Variants in TGFB3 observed in about 807,000 individuals in gnomAD.
TGFB3 encodes transforming growth factor beta-3 proprotein.
TGFB3 carries 5 observed loss-of-function variants against 40.1 expected under a neutral mutation model. The observed-to-expected ratio is 0.12, with a 90% CI of 0.07 to 0.26. The LOEUF (loss-of-function observed/expected upper bound fraction) is 0.26, where lower values mean the gene tolerates loss of function less well. TGFB3 is among the 10% of genes least tolerant of loss of function. The probability of loss-of-function intolerance (pLI) is 1.00; values close to 1 mark genes in which losing one functional copy is unlikely to be tolerated. For missense variants in TGFB3, 373 were observed against 530.1 expected (o/e 0.70, Z 2.91); for synonymous variants, 184 against 205.6 (o/e 0.89, Z 0.90).
chr14:75,981,367 T>A lies in TGFB3; in HGVS notation c.-474A>T. 1 of 161,238 alleles carries A rather than the reference T, an allele frequency of 6.2e-6. No individual in the cohort carries two copies. The highest frequency in any genetic ancestry group is 5.9e-5 in the Admixed American group (1 of 16,882). 10.0% of individuals were successfully genotyped at this position (161,238 alleles called of 1,614,324 possible). ...CCATGGCTGGGTCCCAAAATCAAAA[T>A]CCTTGCCTTGCCTTGAAAGAAAATA... On this transcript the variant is annotated 5_prime_UTR_variant, in exon 1 of 7. Coordinates refer to ENST00000238682, the MANE Select transcript of TGFB3 (RefSeq NM_003239.5). This position sits in a 1 kb window ranked among gnomAD's most constrained non-coding sequence, Gnocchi z 4.7.
chr14:75,979,605 C>T lies in TGFB3; in HGVS notation c.352+937G>A, dbSNP rs990257774. Among the ~76,000 whole-genome samples the T allele has an allele frequency of 2.0e-5, 3 of 152,152 alleles. No homozygotes were observed. The highest frequency in any genetic ancestry group is 7.2e-5 in the African/African-American group (3 of 41,420). ...TCAGTAAACACATATGACTTCCACA[C>T]GTGTACCAACACACACAGACATCTC... On this transcript the variant is annotated intron_variant, in intron 1 of 6. Coordinates refer to ENST00000238682, the MANE Select transcript of TGFB3 (RefSeq NM_003239.5). The surrounding 1 kb of genome is among the most constrained non-coding windows in gnomAD (Gnocchi z 4.8).
rs747478449 is a variant in TGFB3 at position 75,963,302 on chromosome 14, G to A, written c.926+14C>T. 2 of 1,613,872 alleles carry A rather than the reference G, an allele frequency of 1.2e-6. No individual in the cohort carries two copies. The highest frequency in any genetic ancestry group is 1.3e-5 in the African/African-American group (1 of 74,922). ...AGGCAGTAGATGTTGGTTCCCATGT[G>A]GGCCCAGTCTCACCGGAAGCAGTAA... is the stretch of plus-strand genomic sequence containing the variant. On this transcript the variant is annotated intron_variant, in intron 5 of 6. Transcript: ENST00000238682.
chr14:75,975,615 C>G (rs1232341328), intron 1 of TGFB3, among the ~76,000 whole-genome samples: 1 of 152,186 alleles, frequency 6.6e-6, no homozygotes, highest in Non-Finnish European at 1.5e-5. Flanking sequence ...TATCACTTGA[C>G]AAATGAGAAA....
chr14:75,969,861 C>G (rs1039723347), intron 3 of TGFB3, among the ~76,000 whole-genome samples: 1 of 152,172 alleles, frequency 6.6e-6, no homozygotes, highest in Non-Finnish European at 1.5e-5. Flanking sequence ...GTGCTACTGG[C>G]TACCTTCAAA....
rs1243739214 is a variant in TGFB3 at position 75,958,697 on chromosome 14, C to G, written c.*490G>C. 9.5e-6 allele frequency: 2 copies of G among 209,680 alleles called. No individual in the cohort carries two copies. Among genetic ancestry groups the G allele is most frequent in the Admixed American group, 1.1e-4 (2 of 18,976 alleles). 13.0% of individuals were successfully genotyped at this position (209,680 alleles called of 1,614,324 possible). A position where few individuals can be genotyped will look rare whatever the true frequency, so the allele number is the denominator to read the frequency against. On this transcript the variant is annotated 3_prime_UTR_variant, in exon 7 of 7. Transcript: ENST00000238682. ...AATTCTGGGACTTTGTCTTCGTAAC[C>G]TGTCTTTAAAAAAAAAAAAAAAATG...
In TGFB3 at chr14:75,963,460, C is replaced by G. The variant is rs547264290; in HGVS notation, c.782G>C (p.Arg261Pro). 6.2e-7 allele frequency: 1 copy of G among 1,614,198 alleles called. No homozygotes were observed. The highest frequency in any genetic ancestry group is 8.5e-7 in the Non-Finnish European group (1 of 1,180,040). The change falls in exon 5 of 7, where the codon CGT (arginine) becomes CCT (proline). Residue 261 changes from arginine (R) to proline (P), a missense_variant. By Grantham distance (103) the Arg-to-Pro change is moderately radical (BLOSUM62 -2). Coordinates refer to ENST00000238682, the MANE Select transcript of TGFB3 (RefSeq NM_003239.5). Reference sequence around the variant, plus strand: ...CTTCTTGAGGCGCCCCAGATCTCCACGGCCATGGTCATCCTCATTGTCCAC... The same window carrying G: ...CTTCTTGAGGCGCCCCAGATCTCCAGGGCCATGGTCATCCTCATTGTCCAC... Reference protein sequence around the residue: ...KGVDNEDDHGRGDLGRLKKQK... With the variant: ...KGVDNEDDHGPGDLGRLKKQK...
At position 75,981,208 on chromosome 14, in the gene TGFB3, G is replaced by A. The variant is rs2035427731; in HGVS notation, c.-315C>T. On this transcript the variant is annotated 5_prime_UTR_variant, in exon 1 of 7. Coordinates refer to ENST00000238682, the MANE Select transcript of TGFB3 (RefSeq NM_003239.5). The surrounding 1 kb of genome is among the most constrained non-coding windows in gnomAD (Gnocchi z 4.7). ...GGGCAAGCAGAGGGCTGGGAGGGGT[G>A]GCAAGGCAGCTGGGAGTGGGAAGGG... The A allele has an allele frequency of 1.4e-5, 6 of 428,166 alleles. No individual in the cohort carries two copies. The highest frequency in any genetic ancestry group is 6.7e-5 in the South Asian group (3 of 44,486). 26.5% of individuals were successfully genotyped at this position (428,166 alleles called of 1,614,324 possible).
In TGFB3 at chr14:75,971,499, T is replaced by C. The variant is rs1259684387; in HGVS notation, c.516+56A>G. 1.1e-5 allele frequency: 18 copies of C among 1,608,206 alleles called. No homozygotes were observed. Among genetic ancestry groups the C allele is most frequent in the East Asian group, 2.2e-5 (1 of 44,756 alleles). On this transcript the variant is annotated intron_variant, in intron 2 of 6. Transcript: ENST00000238682. This position sits in a 1 kb window ranked among gnomAD's most constrained non-coding sequence, Gnocchi z 4.5. ...CGCTGCACCCAGTGGTGCCCTGATA[T>C]GGCAAAGGAACCAGCTTTCCCGTCG...
chr14:75,977,416 G>T (rs370133492), intron 1 of TGFB3, among the ~76,000 whole-genome samples: 3 of 152,144 alleles, frequency 2.0e-5, no homozygotes, highest in South Asian at 2.1e-4. Context: ...GGATTACAGA[G>T]TCTTGCCCAT....
intron 1 of TGFB3, among the ~76,000 whole-genome samples, chr14:75,974,355 G>C (rs2035327705): frequency 6.6e-6 from 1 of 152,030 alleles, no homozygotes; most frequent in African/African-American, 2.4e-5. Context: ...TTTCAAGAAA[G>C]AGGTGGGAAA....
rs1220178968 is a variant in TGFB3 at position 75,971,705 on chromosome 14, G to A, written c.366C>T (p.Val122=). ...QGLAEHNELA[V]CPKGITSKVF... ...CCTTGGAGGTAATTCCTTTAGGGCA[G>A]ACAGCCAGTTCGTCTAGGAGATAAA... The change falls in exon 2 of 7, where the codon GTC becomes GTT. Residue 122 remains valine, a synonymous_variant. Coordinates refer to ENST00000238682, the MANE Select transcript of TGFB3 (RefSeq NM_003239.5). This position sits in a 1 kb window ranked among gnomAD's most constrained non-coding sequence, Gnocchi z 4.5. 2 of 1,614,218 alleles carry A rather than the reference G, an allele frequency of 1.2e-6. No homozygotes were observed. Among genetic ancestry groups the A allele is most frequent in the African/African-American group, 1.3e-5 (1 of 75,066 alleles).
chr14:75,963,026 C>G (rs2359994), intron 5 of TGFB3: 1 of 517,836 alleles, frequency 1.9e-6, no homozygotes, highest in African/African-American at 1.9e-5. Context: ...TTGACCAAGC[C>G]TCTCCAATCC....
Position 75,959,309 on chromosome 14 carries a change from A to G in TGFB3, c.1117T>C (p.Ser373Pro). The stretch of plus-strand genomic sequence containing the variant: ...TGGGGCACGCAGCAAGGCGAGGCAG[A>G]TGCTTCAGGGTTCAGAGTGTTGTAC... ...GLYNTLNPEA[S>P]ASPCCVPQDL... The change falls in exon 7 of 7, where the codon TCT becomes CCT. Residue 373 changes from serine to proline, a missense_variant. By Grantham distance (74) the Ser-to-Pro change is moderately conservative. Coordinates refer to ENST00000238682, the MANE Select transcript of TGFB3 (RefSeq NM_003239.5). 1 of 1,614,132 alleles carries G rather than the reference A, an allele frequency of 6.2e-7. No homozygotes were observed. The highest frequency in any genetic ancestry group is 8.5e-7 in the Non-Finnish European group (1 of 1,180,022).
Position 75,971,460 on chromosome 14 carries a change from C to G in TGFB3, c.516+95G>C. The G allele has an allele frequency of 6.4e-7, 1 of 1,572,308 alleles. No homozygotes were observed. On this transcript the variant is annotated intron_variant, in intron 2 of 6. Transcript: ENST00000238682. This position sits in a 1 kb window ranked among gnomAD's most constrained non-coding sequence, Gnocchi z 4.5. The stretch of plus-strand genomic sequence containing the variant: ...GGCTCAGAGAAGCCAGGATTCAAAC[C>G]CAGGTCTGCCAAACGCTGCACCCAG...
intron 3 of TGFB3, 48 bp from the exon 4 acceptor site, chr14:75,965,743 G>T: frequency 1.3e-6 from 2 of 1,497,254 alleles, no homozygotes; most frequent in Non-Finnish European, 9.3e-7. Flanking sequence ...TGTGTGATGG[G>T]GAAGTGTGCC....
rs1166505334 is a variant in TGFB3 at position 75,959,022 on chromosome 14, GA to G, written c.*164del. 1.2e-6 allele frequency: 1 copy of G among 831,358 alleles called. No individual in the cohort carries two copies. The highest frequency in any genetic ancestry group is 1.7e-5 in the African/African-American group (1 of 59,434). 51.5% of individuals were successfully genotyped at this position (831,358 alleles called of 1,614,324 possible). A position where few individuals can be genotyped will look rare whatever the true frequency, so the allele number is the denominator to read the frequency against. On this transcript the variant is annotated 3_prime_UTR_variant, in exon 7 of 7. Transcript: ENST00000238682. The stretch of plus-strand genomic sequence containing the variant: ...CCACCGTGATTCTCAGAGCCAGCAA[GA>G]AAGAAATGTTCCAAAAGGAAACCTC...
chr14:75,971,771 A>C lies in TGFB3; in HGVS notation c.353-53T>G. 5 of 1,602,000 alleles carry C rather than the reference A, an allele frequency of 3.1e-6. No homozygotes were observed. Among genetic ancestry groups the C allele is most frequent in the Non-Finnish European group, 4.3e-6 (5 of 1,171,522 alleles). ...CAGCATGAGCGAGACATGCAGGAAC[A>C]GTGTGCTGCCAACGGACAGGCACCA... On this transcript the variant is annotated intron_variant, in intron 1 of 6. Coordinates refer to ENST00000238682, the MANE Select transcript of TGFB3 (RefSeq NM_003239.5). The surrounding 1 kb of genome is among the most constrained non-coding windows in gnomAD (Gnocchi z 4.5).
In TGFB3 at chr14:75,971,088, G is replaced by C; in HGVS notation, c.646+38C>G. On this transcript the variant is annotated intron_variant, in intron 3 of 6. Coordinates refer to ENST00000238682, the MANE Select transcript of TGFB3 (RefSeq NM_003239.5). The surrounding 1 kb of genome is among the most constrained non-coding windows in gnomAD (Gnocchi z 4.5). ...TTTCATGGAGGACTAAGGGACCTGA[G>C]GTTCATTCTGAAATGCTTATCTGAA... is the stretch of plus-strand genomic sequence containing the variant. 6.2e-7 allele frequency: 1 copy of C among 1,612,036 alleles called. No homozygotes were observed. Among genetic ancestry groups the C allele is most frequent in the Non-Finnish European group, 8.5e-7 (1 of 1,179,674 alleles).
chr14:75,977,165 T>C (rs1244504105), intron 1 of TGFB3, among the ~76,000 whole-genome samples: 1 of 152,232 alleles, frequency 6.6e-6, no homozygotes, highest in Non-Finnish European at 1.5e-5. Context: ...TATAGAGTTT[T>C]CTCTTTGCTG....
Sources: gnomAD v4.1 joint callset for allele counts (sites outside exome capture counted in the v4.1 genomes callset) on GRCh38, gnomAD v4.1.1 for gene constraint, Gnocchi (gnomAD v3.1) non-coding constraint, MANE v1.5 for transcripts, NCBI Gene and HGNC (gene_info 2026-07-23, HGNC 2026-07-21) for gene names.